FER: variants seen among roughly 807,000 people sequenced by gnomAD.
FER encodes the protein FER tyrosine kinase, also known as tyrosine-protein kinase Fer.
FER carries 63 observed loss-of-function variants against 111.0 expected under a neutral mutation model. The observed-to-expected ratio is 0.57, with a 90% CI of 0.46 to 0.70. FER has a LOEUF of 0.70. FER is among the 30% of genes least tolerant of loss of function. The probability of loss-of-function intolerance (pLI) is 0.00; values close to 1 mark genes in which losing one functional copy is unlikely to be tolerated. For missense variants in FER, 914 were observed against 954.0 expected, an observed-to-expected ratio of 0.96 and a Z score of 0.55; for synonymous variants, 327 against 313.9, an observed-to-expected ratio of 1.04 and a Z score of -0.44.
chr5:109,060,426 T>C (rs987553023), intron 16 of FER, among the ~76,000 whole-genome samples: 35 of 152,050 alleles, frequency 2.3e-4, no homozygotes, highest in African/African-American at 7.5e-4. Context: ...AGTTTCCTTA[T>C]CTGTAAAATA....
intron 17 of FER, among the ~76,000 whole-genome samples, chr5:109,174,552 CA>C (rs1418140203): frequency 1.3e-5 from 2 of 152,160 alleles, no homozygotes; most frequent in Non-Finnish European, 2.9e-5. Context: ...TTACTGTGTG[CA>C]AAATTTTGCC....
intron 16 of FER, among the ~76,000 whole-genome samples, chr5:109,076,578 C>T (rs552199820): frequency 5.3e-5 from 8 of 152,220 alleles, no homozygotes; most frequent in African/African-American, 1.9e-4. Flanking sequence ...GTTGTGACTA[C>T]AGGGGCATGC....
rs180773556 is a variant in FER, at chr5:109,099,685, T to G, written c.1925-711T>G. Among the ~76,000 whole-genome samples, 274 of 151,694 alleles carry G rather than the reference T, an allele frequency of 1.8e-3. 1 individual carries two copies. Among genetic ancestry groups the G allele is most frequent in the African/African-American group, 6.2e-3 (256 of 41,514 alleles). The stretch of plus-strand genomic sequence containing the variant: ...TAAATTGCACGGTTTAAAAAAACTT[T>G]TTAAATATTTTTAAAAATTTTTTAA... On this transcript the variant is annotated intron_variant, in intron 16 of 19. Transcript: ENST00000281092.
At chr5:108,972,855 C>CAAAT (rs1346257495) in intron 13 of FER, among the ~76,000 whole-genome samples, 1 of 151,990 alleles carries the variant, frequency 6.6e-6, no homozygotes, top group African/African-American at 2.4e-5. Flanking sequence ...AAGATATATC[C>CAAAT]AGTTTCAATT....
chr5:108,826,797 T>A (rs1228197512), intron 3 of FER, among the ~76,000 whole-genome samples: 1 of 152,220 alleles, frequency 6.6e-6, no homozygotes, highest in Non-Finnish European at 1.5e-5. Context: ...TAGTCAGAAT[T>A]TCTGTTTCTT....
chr5:109,063,367 A>T (rs556138229), intron 16 of FER, among the ~76,000 whole-genome samples: 1 of 152,204 alleles, frequency 6.6e-6, no homozygotes, highest in Non-Finnish European at 1.5e-5. Flanking sequence ...TTAACTGGCA[A>T]TGACAGTTTC....
chr5:109,186,170 A>T, intron 18 of FER, 30 bp from the exon 19 acceptor site: 10 of 1,614,016 alleles, frequency 6.2e-6, no homozygotes, highest in Non-Finnish European at 7.6e-6. Context: ...ACTGTGCCTC[A>T]TGTGGTTATG....
intron 3 of FER, among the ~76,000 whole-genome samples, chr5:108,812,872 G>A (rs896872764): frequency 6.6e-6 from 1 of 151,774 alleles, no homozygotes; most frequent in Non-Finnish European, 1.5e-5. Context: ...CCTGTTCTTT[G>A]TGTTATTATT....
intron 13 of FER, among the ~76,000 whole-genome samples, chr5:108,993,297 G>A (rs1489623121): frequency 6.6e-6 from 1 of 152,242 alleles, no homozygotes; most frequent in African/African-American, 2.4e-5. Flanking sequence ...GGCACCTCGG[G>A]AGGCCGAGGC....
rs75133061 is a variant in FER at position 108,974,851 on chromosome 5, A to T, written c.1656+15504A>T. Among the ~76,000 whole-genome samples, 1,193 of 152,346 alleles carry T rather than the reference A, an allele frequency of 7.8e-3. 18 individuals are homozygous for T. Among genetic ancestry groups the T allele is most frequent in the African/African-American group, 0.028 (1,147 of 41,576 alleles). On this transcript the variant is annotated intron_variant, in intron 13 of 19. Transcript: ENST00000281092. Reference sequence around the variant, plus strand: ...GATTATTTCCTTATAACCTGCAAAAAGAACATAGCTCTGCAGACATTATGA... The same window carrying T: ...GATTATTTCCTTATAACCTGCAAAATGAACATAGCTCTGCAGACATTATGA...
intron 16 of FER, among the ~76,000 whole-genome samples, chr5:109,059,097 A>G (rs766143154): frequency 1.3e-5 from 2 of 151,950 alleles, no homozygotes; most frequent in African/African-American, 4.8e-5. Flanking sequence ...CCTTCTACTT[A>G]CTTCTCTCAA....
At chr5:108,923,683 T>C (rs1561621932) in intron 10 of FER, among the ~76,000 whole-genome samples, 2 of 152,220 alleles carry the variant, frequency 1.3e-5, no homozygotes, top group African/African-American at 2.4e-5. Flanking sequence ...TAAACATTTA[T>C]GGTTTTGAGT....
intron 17 of FER, among the ~76,000 whole-genome samples, chr5:109,171,374 A>G (rs1011925517): frequency 6.6e-6 from 1 of 152,214 alleles, no homozygotes; most frequent in Non-Finnish European, 1.5e-5. Context: ...AGAACTTCCA[A>G]CAATGCAAAT....
chr5:108,764,304 A>G (rs529493772), intron 1 of FER, among the ~76,000 whole-genome samples: 9 of 152,224 alleles, frequency 5.9e-5, no homozygotes, highest in Non-Finnish European at 1.2e-4. Flanking sequence ...ATATAGATAT[A>G]ACTACTTCAT....
chr5:109,080,048 C>A (rs927211827), intron 16 of FER, among the ~76,000 whole-genome samples: 2 of 151,816 alleles, frequency 1.3e-5, no homozygotes, highest in Non-Finnish European at 2.9e-5. Flanking sequence ...TACATTTTTC[C>A]TCCCATGGTT....
At chr5:109,083,302 CT>C (rs1351082441) in intron 16 of FER, among the ~76,000 whole-genome samples, 1 of 151,944 alleles carries the variant, frequency 6.6e-6, no homozygotes. Context: ...CCTTGTAGGT[CT>C]TCATCCAGTT....
chr5:108,932,564 A>G (rs1272066100), intron 10 of FER, among the ~76,000 whole-genome samples: 2 of 152,152 alleles, frequency 1.3e-5, no homozygotes, highest in South Asian at 2.1e-4. Flanking sequence ...GTCAAATGGT[A>G]TTTCTAGTTC....
chr5:108,987,024 A>G (rs1026840151), intron 13 of FER, among the ~76,000 whole-genome samples: 2 of 151,690 alleles, frequency 1.3e-5, no homozygotes, highest in African/African-American at 4.8e-5. Context: ...GAATTTGTAG[A>G]TTGCTCTTGG....
At chr5:109,070,922 A>G (rs1354216683) in intron 16 of FER, among the ~76,000 whole-genome samples, 1 of 152,018 alleles carries the variant, frequency 6.6e-6, no homozygotes, top group Non-Finnish European at 1.5e-5. Context: ...TTAAAAATAA[A>G]TGATTCATCT....
Sources: gnomAD v4.1 joint callset for allele counts (sites outside exome capture counted in the v4.1 genomes callset) on GRCh38, gnomAD v4.1.1 for gene constraint, MANE v1.5 for transcripts, NCBI Gene and HGNC (gene_info 2026-07-23, HGNC 2026-07-21) for gene names.